Variants in EBF1 observed in about 807,000 individuals in gnomAD.
The protein encoded by EBF1 is transcription factor COE1.
EBF1 carries 10 observed loss-of-function variants against 68.4 expected under a neutral mutation model. The observed-to-expected ratio is 0.15, with a 90% CI of 0.09 to 0.25. The LOEUF (loss-of-function observed/expected upper bound fraction) is 0.25, where lower values mean the gene tolerates loss of function less well. Among genes scored for constraint, EBF1 ranks in the 10% least tolerant of loss-of-function variants. The pLI, the probability that EBF1 is intolerant of heterozygous loss-of-function variation, is 1.00. For missense variants in EBF1, 509 were observed against 794.4 expected (o/e 0.64, Z 4.32); for synonymous variants, 298 against 299.8 (o/e 0.99, Z 0.06).
At chr5:158,983,277 A>C (rs1179102921) in intron 6 of EBF1, 2 of 152,328 alleles carry the variant, frequency 1.3e-5, no homozygotes, top group Non-Finnish European at 2.9e-5. Context: ...GGAAGTATGT[A>C]GGGGTTTTTT....
intron 6 of EBF1, among the ~76,000 whole-genome samples, chr5:158,946,470 G>A (rs1410713801): frequency 1.3e-5 from 2 of 152,146 alleles, no homozygotes; most frequent in Non-Finnish European, 2.9e-5. Context: ...GGAGTTTGCT[G>A]GGGGTCCACT....
intron 4 of EBF1, 36 bp downstream of exon 4, chr5:159,095,584 A>G (rs760005479): frequency 3.7e-6 from 6 of 1,612,358 alleles, no homozygotes; most frequent in Non-Finnish European, 4.2e-6. Flanking sequence ...ATTTTGTGAC[A>G]TAGAGCCCCC....
intron 6 of EBF1, among the ~76,000 whole-genome samples, chr5:159,034,698 C>G (rs1561848352): frequency 6.6e-6 from 1 of 152,190 alleles, no homozygotes; most frequent in Non-Finnish European, 1.5e-5. Context: ...TCGTTGTTTT[C>G]CATTGCTCTT....
chr5:158,878,886 C>T (rs1018686271), intron 6 of EBF1, among the ~76,000 whole-genome samples: 1 of 152,086 alleles, frequency 6.6e-6, no homozygotes, highest in African/African-American at 2.4e-5. Flanking sequence ...TCAAGTGTTC[C>T]GCCTGCCTTA....
chr5:158,922,728 G>A (rs1268275755), intron 6 of EBF1, among the ~76,000 whole-genome samples: 1 of 152,186 alleles, frequency 6.6e-6, no homozygotes, highest in East Asian at 1.9e-4. Flanking sequence ...ATATATGTGT[G>A]TCTTATGTTT....
intron 6 of EBF1, among the ~76,000 whole-genome samples, chr5:158,880,859 G>A (rs990772569): frequency 2.0e-5 from 3 of 152,178 alleles, no homozygotes; most frequent in African/African-American, 7.2e-5. Context: ...TCACAAGCAC[G>A]GACATCCCCT....
At chr5:159,041,183 G>A (rs965842154) in intron 6 of EBF1, among the ~76,000 whole-genome samples, 6 of 152,140 alleles carry the variant, frequency 3.9e-5, no homozygotes, top group African/African-American at 1.2e-4. Context: ...TAAACTAACA[G>A]TATTTCTGAA....
chr5:158,888,845 TTCTTCC>T (rs945624985), intron 6 of EBF1, among the ~76,000 whole-genome samples: 10 of 152,086 alleles, frequency 6.6e-5, no homozygotes, highest in African/African-American at 2.2e-4. Flanking sequence ...CTCTTCCTCC[TTCTTCC>T]TCTTCATCTT....
chr5:158,699,254 C>CTATT, intron 15 of EBF1, 112 bp from the exon 16 acceptor site: 1 of 1,068,670 alleles, frequency 9.4e-7, no homozygotes, highest in Non-Finnish European at 1.3e-6. Flanking sequence ...TGTTGTTCGA[C>CTATT]TATTAGCCAC....
chr5:158,711,723 G>A (rs1204607590), intron 14 of EBF1, among the ~76,000 whole-genome samples: 1 of 151,914 alleles, frequency 6.6e-6, no homozygotes, highest in Non-Finnish European at 1.5e-5. Context: ...CCAGGCACTG[G>A]AGTGCAGTGG....
rs370523204 is a variant in EBF1 at position 158,784,564 on chromosome 5, T to G, written c.910-7025A>C. Among the ~76,000 whole-genome samples, 234 of 152,050 alleles carry G rather than the reference T, an allele frequency of 1.5e-3. 1 individual carries two copies. Among genetic ancestry groups the G allele is most frequent in the African/African-American group, 5.4e-3 (222 of 41,488 alleles). On this transcript the variant is annotated intron_variant, in intron 9 of 15. Transcript: ENST00000313708. The stretch of plus-strand genomic sequence containing the variant: ...TTCCAACCAATAGGAGTAGGTAAAA[T>G]AAATGCAAGTTGAAGTTGCAAGCCA...
intron 6 of EBF1, among the ~76,000 whole-genome samples, chr5:159,064,042 CTGA>C (rs777560307): frequency 3.9e-5 from 6 of 152,106 alleles, no homozygotes; most frequent in Non-Finnish European, 8.8e-5. Context: ...GTATGGATTA[CTGA>C]TGTTTTTTTC....
At chr5:158,907,778 T>A (rs2127343450) in intron 6 of EBF1, among the ~76,000 whole-genome samples, 1 of 151,964 alleles carries the variant, frequency 6.6e-6, no homozygotes, top group East Asian at 1.9e-4. Context: ...AAACAAATGC[T>A]CAAAGGTGTA....
At chr5:158,762,469 C>T (rs1206603067) in intron 10 of EBF1, among the ~76,000 whole-genome samples, 1 of 152,168 alleles carries the variant, frequency 6.6e-6, no homozygotes, top group Non-Finnish European at 1.5e-5. Flanking sequence ...TCTTTGAATC[C>T]TAACACAAGC....
intron 11 of EBF1, among the ~76,000 whole-genome samples, chr5:158,728,995 G>T (rs1040593813): frequency 1.3e-5 from 2 of 152,132 alleles, no homozygotes; most frequent in Non-Finnish European, 2.9e-5. Flanking sequence ...AAGAAACTGA[G>T]GCACAGAGGA....
At chr5:159,019,021 C>G (rs573111629) in intron 6 of EBF1, 1 of 152,326 alleles carries the variant, frequency 6.6e-6, no homozygotes, top group African/African-American at 2.4e-5. Context: ...CCCTTTGCTA[C>G]AAACATGCCT....
At position 159,084,363 on chromosome 5, in the gene EBF1, T is replaced by A. The variant is rs539121218; in HGVS notation, c.485+303A>T. Among the ~76,000 whole-genome samples, 9 of 152,088 alleles carry A rather than the reference T, an allele frequency of 5.9e-5. No individual in the cohort carries two copies. The East Asian group carries it at 1.5e-3, about 26-fold the overall frequency. On this transcript the variant is annotated intron_variant, in intron 5 of 15. Transcript: ENST00000313708. ...AGCGCATATATTAACACTAAAAGGG[T>A]TATATTGTTTTATTTGATTTTAAGA...
chr5:159,011,636 C>T (rs558445835), intron 6 of EBF1, among the ~76,000 whole-genome samples: 17 of 152,204 alleles, frequency 1.1e-4, no homozygotes, highest in Non-Finnish European at 1.9e-4. Context: ...GTTCTAAATA[C>T]TCTTGTTACC....
chr5:158,791,892 A>G (rs1360978589), intron 9 of EBF1, among the ~76,000 whole-genome samples: 2 of 152,194 alleles, frequency 1.3e-5, no homozygotes, highest in South Asian at 2.1e-4. Context: ...TTAATTACCC[A>G]TGGTACCTAT....
Sources: gnomAD v4.1 joint callset for allele counts (sites outside exome capture counted in the v4.1 genomes callset) on GRCh38, gnomAD v4.1.1 for gene constraint, MANE v1.5 for transcripts, NCBI Gene and HGNC (gene_info 2026-07-23, HGNC 2026-07-21) for gene names.